Variants in ATP10B observed in about 807,000 individuals in gnomAD.
ATP10B encodes phospholipid-transporting ATPase VB.
Under a neutral mutation model 141.2 loss-of-function variants are expected in ATP10B, and 122 were observed. The observed-to-expected ratio is 0.86, with a 90% CI of 0.75 to 1.00. The LOEUF is 1.00. Among genes scored for constraint, ATP10B ranks in the 50% least tolerant of loss-of-function variants. ATP10B has a pLI of 0.00. For synonymous variants in ATP10B, 685 were observed against 692.0 expected (o/e 0.99, Z 0.16); for missense variants, 1,876 against 1,825.3 (o/e 1.03, Z -0.51).
At chr5:160,716,178 C>T (rs762539718) in intron 3 of ATP10B, among the ~76,000 whole-genome samples, 6 of 152,036 alleles carry the variant, frequency 3.9e-5, no homozygotes, top group Admixed American at 6.6e-5. Flanking sequence ...AAATGTCCAT[C>T]AAAGAGTAGA....
chr5:160,874,236 T>C, the ATP10B span, among the ~76,000 whole-genome samples: 125 of 145,068 alleles, frequency 8.6e-4, 1 homozygote, highest in African/African-American at 3.0e-3. Context: ...CCCTGACCCC[T>C]GAGCAGGCTA....
At chr5:160,739,220 A>G (rs140773376) in intron 2 of ATP10B, among the ~76,000 whole-genome samples, 6 of 152,338 alleles carry the variant, frequency 3.9e-5, no homozygotes, top group African/African-American at 1.4e-4. Flanking sequence ...ACAGAACTTT[A>G]TATCTATATT....
intron 2 of ATP10B, among the ~76,000 whole-genome samples, chr5:160,783,110 G>A (rs1368205806): frequency 6.6e-6 from 1 of 151,656 alleles, no homozygotes; most frequent in Non-Finnish European, 1.5e-5. Context: ...AGATTTTGGT[G>A]CACCCATCAC....
At chr5:160,752,425 A>G (rs1768221276) in intron 2 of ATP10B, among the ~76,000 whole-genome samples, 1 of 151,756 alleles carries the variant, frequency 6.6e-6, no homozygotes, top group African/African-American at 2.4e-5. Context: ...GCATACAAGG[A>G]CTCCCTCTCA....
intron 24 of ATP10B, among the ~76,000 whole-genome samples, chr5:160,572,409 G>C (rs368363247): frequency 1.3e-5 from 2 of 152,208 alleles, no homozygotes; most frequent in Middle Eastern, 3.4e-3. Flanking sequence ...ACTTTCAAAA[G>C]GGAAGCATTA....
intron 2 of ATP10B, among the ~76,000 whole-genome samples, chr5:160,754,403 AAAAC>A (rs1467087446): frequency 7.9e-5 from 12 of 152,196 alleles, no homozygotes; most frequent in Admixed American, 6.5e-5. Flanking sequence ...CTGAAAAGTC[AAAAC>A]AAATAAGCTT....
chr5:160,681,850 G>T (rs1482143735), intron 6 of ATP10B, among the ~76,000 whole-genome samples: 2 of 152,124 alleles, frequency 1.3e-5, no homozygotes, highest in African/African-American at 2.4e-5. Context: ...ATTTTTAGCT[G>T]CCCTAATAAA....
chr5:160,812,249 C>T (rs962139380), intron 1 of ATP10B, among the ~76,000 whole-genome samples: 1 of 152,160 alleles, frequency 6.6e-6, no homozygotes, highest in Non-Finnish European at 1.5e-5. Flanking sequence ...TAGATCACAA[C>T]AGTCAAGTTC....
In ATP10B at chr5:160,649,263, G is replaced by A. The variant is rs149801255; in HGVS notation, c.676-7C>T. ...CTGGTTCGAACTGTACCTCCTGTGAGAGAGAGGACTCTGTGAGTTTATTAA... is the reference window on the plus strand; with the variant it reads ...CTGGTTCGAACTGTACCTCCTGTGAAAGAGAGGACTCTGTGAGTTTATTAA... On this transcript the variant is annotated splice_polypyrimidine_tract_variant and splice_region_variant and intron_variant, in intron 7 of 25. Transcript: ENST00000327245. 3.2e-4 allele frequency: 517 copies of A among 1,607,688 alleles called. 3 individuals carry two copies. The African/African-American group carries it at 6.0e-3, about 19-fold the overall frequency.
intron 2 of ATP10B, among the ~76,000 whole-genome samples, chr5:160,729,120 T>A (rs1042065912): frequency 6.6e-6 from 1 of 152,192 alleles, no homozygotes; most frequent in African/African-American, 2.4e-5. Context: ...AATAATTACA[T>A]TATTGTTAGG....
the ATP10B span, among the ~76,000 whole-genome samples, chr5:160,858,328 T>C: frequency 6.6e-6 from 1 of 151,804 alleles, no homozygotes; most frequent in Admixed American, 6.6e-5. Context: ...TCTTTTTCCA[T>C]CCTTTTATTT....
intron 2 of ATP10B, among the ~76,000 whole-genome samples, chr5:160,737,284 C>G (rs1309923792): frequency 6.6e-6 from 1 of 152,158 alleles, no homozygotes; most frequent in Non-Finnish European, 1.5e-5. Context: ...ATGACAGACC[C>G]TCAACTGGTG....
chr5:160,875,128 CAG>C, the ATP10B span, among the ~76,000 whole-genome samples: 1 of 124,058 alleles, frequency 8.1e-6, no homozygotes, highest in African/African-American at 2.8e-5. Context: ...TAAGGGCAGC[CAG>C]AGAGAAAGGT....
Position 160,612,824 on chromosome 5 carries a change from G to T in ATP10B, c.2755C>A (p.Gln919Lys). The T allele has an allele frequency of 2.5e-6, 4 of 1,614,114 alleles. No homozygotes were observed. Among genetic ancestry groups the T allele is most frequent in the Non-Finnish European group, 3.4e-6 (4 of 1,179,996 alleles). The change falls in exon 18 of 26, where the codon CAG becomes AAG. Residue 919 changes from glutamine (Q) to lysine (K), a missense_variant. Gln to Lys is a moderately conservative substitution (Grantham distance 53, BLOSUM62 1). Coordinates refer to ENST00000327245, the MANE Select transcript of ATP10B (RefSeq NM_025153.3). ...IQLWVLTGDK[Q>K]ETAVNIAHSC... is the part of the protein sequence containing the mutation. ...TGGGCAATGTTGACCGCTGTCTCCT[G>T]CTTATCTCCAGTCAGGACCCAGAGC...
chr5:160,845,642 A>C (rs1465779848), intron 1 of ATP10B, among the ~76,000 whole-genome samples: 1 of 152,188 alleles, frequency 6.6e-6, no homozygotes, highest in African/African-American at 2.4e-5. Context: ...AAGAAATCAC[A>C]CCTGAAAGCG....
chr5:160,764,248 T>TAACAAC (rs144856001), intron 2 of ATP10B, among the ~76,000 whole-genome samples: 1,816 of 151,474 alleles, frequency 0.012, 23 homozygotes, highest in Non-Finnish European at 0.019. Flanking sequence ...GGAAAGGACA[T>TAACAAC]AACAACAACA....
At chr5:160,733,784 A>C (rs997866582) in intron 2 of ATP10B, among the ~76,000 whole-genome samples, 1 of 152,000 alleles carries the variant, frequency 6.6e-6, no homozygotes, top group African/African-American at 2.4e-5. Flanking sequence ...AAATCAACTC[A>C]GAATTATATA....
intron 9 of ATP10B, 25 bp from the exon 10 acceptor site, chr5:160,640,617 G>C: frequency 1.2e-6 from 2 of 1,613,168 alleles, no homozygotes; most frequent in Non-Finnish European, 8.5e-7. Context: ...GAGGAAATCA[G>C]TCCCTTAGTT....
intron 2 of ATP10B, among the ~76,000 whole-genome samples, chr5:160,777,465 A>T (rs530929791): frequency 6.6e-6 from 1 of 152,238 alleles, no homozygotes; most frequent in Non-Finnish European, 1.5e-5. Flanking sequence ...TGGAAGATGG[A>T]GCATTAATTT....
Sources: allele counts gnomAD v4.1 joint callset (sites outside exome capture counted in the v4.1 genomes callset), GRCh38; gene constraint gnomAD v4.1.1; transcripts MANE v1.5; gene names NCBI Gene and HGNC (gene_info 2026-07-23, HGNC 2026-07-21).